SLC30A6: variants seen among roughly 807,000 people sequenced by gnomAD.
The protein encoded by SLC30A6 is solute carrier family 30 member 6, also known as zinc transporter 6.
Under a neutral mutation model 63.0 loss-of-function variants are expected in SLC30A6, and 55 were observed. The observed-to-expected ratio is 0.87, with a 90% CI of 0.70 to 1.09. SLC30A6 has a LOEUF of 1.09. Among genes scored for constraint, SLC30A6 ranks in the 50% least tolerant of loss-of-function variants. The probability of loss-of-function intolerance (pLI) is 0.00; values close to 1 mark genes in which losing one functional copy is unlikely to be tolerated. For missense variants in SLC30A6, 587 were observed against 549.2 expected (o/e 1.07, Z -0.69); for synonymous variants, 224 against 186.1 (o/e 1.20, Z -1.66).
intron 5 of SLC30A6, among the ~76,000 whole-genome samples, chr2:32,187,771 C>CA (rs951342049): frequency 2.0e-5 from 3 of 152,138 alleles, no homozygotes; most frequent in African/African-American, 7.2e-5. Context: ...CTCTGTTGCT[C>CA]AAACAAAAAA....
At chr2:32,170,309 C>T (rs914492064) in intron 1 of SLC30A6, among the ~76,000 whole-genome samples, 1 of 152,176 alleles carries the variant, frequency 6.6e-6, no homozygotes. Flanking sequence ...CATTTATTGA[C>T]TGGCTTATAT....
intron 5 of SLC30A6, among the ~76,000 whole-genome samples, chr2:32,189,596 CTTTTTTTTTTTT>C (rs3040842): frequency 1.2e-4 from 6 of 51,926 alleles, no homozygotes; most frequent in East Asian, 5.5e-4. Context: ...CGCACCCGGC[CTTTTTTTTTTTT>C]TTTTTTTTTT....
intron 1 of SLC30A6, among the ~76,000 whole-genome samples, chr2:32,170,099 A>G (rs928411265): frequency 4.6e-5 from 7 of 152,128 alleles, no homozygotes; most frequent in Non-Finnish European, 1.0e-4. Flanking sequence ...ATTATATAGT[A>G]AAATCAATCA....
chr2:32,220,745 G>T lies in SLC30A6; in HGVS notation c.*32G>T. ...CTAACTTATTTTTATAAGGAATATT[G>T]ACTCCTTGGCTTCCAATTTATTTAG... On this transcript the variant is annotated 3_prime_UTR_variant, in exon 14 of 14. Transcript: ENST00000282587. 6.4e-7 allele frequency: 1 copy of T among 1,570,014 alleles called. No individual in the cohort carries two copies. Among genetic ancestry groups the T allele is most frequent in the South Asian group, 1.2e-5 (1 of 85,034 alleles).
At chr2:32,188,197 T>C (rs913427924) in intron 5 of SLC30A6, among the ~76,000 whole-genome samples, 6 of 152,220 alleles carry the variant, frequency 3.9e-5, no homozygotes, top group African/African-American at 7.2e-5. Flanking sequence ...CTGCCTGATA[T>C]GCTCTTCACC....
intron 10 of SLC30A6, chr2:32,202,787 C>G (rs1684411080): frequency 6.8e-6 from 5 of 733,190 alleles, no homozygotes; most frequent in Non-Finnish European, 1.3e-5. Context: ...CTGCAGCTCG[C>G]CCACAGTGGG....
At position 32,203,147 on chromosome 2, in the gene SLC30A6, C is replaced by T; in HGVS notation, c.666-1443C>T. The stretch of plus-strand genomic sequence containing the variant: ...TTTTGGTGGCAACCAACGTGGCTGC[C>T]TGTGGTTTGGACATTCCTGAAGTTG... On this transcript the variant is annotated intron_variant, in intron 10 of 13. Coordinates refer to ENST00000282587, the MANE Select transcript of SLC30A6 (RefSeq NM_017964.5). 20 of 1,269,136 alleles carry T rather than the reference C, an allele frequency of 1.6e-5. No individual in the cohort carries two copies. In the South Asian group the frequency reaches 1.8e-4, roughly 11 times the overall value. 78.6% of individuals were successfully genotyped at this position (1,269,136 alleles called of 1,614,324 possible).
At chr2:32,167,224 C>A (rs1680756215) in intron 1 of SLC30A6, among the ~76,000 whole-genome samples, 1 of 151,950 alleles carries the variant, frequency 6.6e-6, no homozygotes, top group Non-Finnish European at 1.5e-5. Flanking sequence ...TACAGGAATG[C>A]GCCACCACGC....
intron 2 of SLC30A6, among the ~76,000 whole-genome samples, chr2:32,171,957 G>C (rs1056163748): frequency 6.6e-6 from 1 of 152,168 alleles, no homozygotes; most frequent in African/African-American, 2.4e-5. Context: ...GCCTCCCAAA[G>C]TGCTGGGATT....
chr2:32,199,895 G>A (rs1047839084), intron 10 of SLC30A6, among the ~76,000 whole-genome samples: 1 of 151,956 alleles, frequency 6.6e-6, no homozygotes, highest in African/African-American at 2.4e-5. Flanking sequence ...CGGCTGGGTC[G>A]CCTGAGGTCA....
chr2:32,171,129 C>T (rs141776327), intron 1 of SLC30A6, among the ~76,000 whole-genome samples, 158 bp from the exon 2 acceptor site: 7 of 152,230 alleles, frequency 4.6e-5, no homozygotes, highest in African/African-American at 1.4e-4. Flanking sequence ...ATATTAAATC[C>T]ATAAATACAC....
intron 13 of SLC30A6, among the ~76,000 whole-genome samples, chr2:32,212,932 C>T (rs1340512804): frequency 7.2e-5 from 10 of 138,050 alleles, no homozygotes; most frequent in African/African-American, 2.5e-4. Flanking sequence ...AAGGAGACAG[C>T]GTCCTGCCCT....
In SLC30A6 at chr2:32,221,436, G is replaced by A. The variant is rs1438161944; in HGVS notation, c.*723G>A. The A allele has an allele frequency of 6.6e-6, 1 of 152,116 alleles. No individual in the cohort carries two copies. The highest frequency in any genetic ancestry group is 1.5e-5 in the Non-Finnish European group (1 of 68,040). The allele number at this position is 152,116 out of a possible 1,614,324, so 9.4% of individuals were successfully genotyped here. ...TAGCCTCCCAAAGTGCTGGGATTAGGTGTGAGCCACCGCACCTGGCCGATA... is the reference window on the plus strand; with the variant it reads ...TAGCCTCCCAAAGTGCTGGGATTAGATGTGAGCCACCGCACCTGGCCGATA... On this transcript the variant is annotated 3_prime_UTR_variant, in exon 14 of 14. Transcript: ENST00000282587.
chr2:32,208,554 A>T (rs1490895337), intron 12 of SLC30A6, among the ~76,000 whole-genome samples: 1 of 151,964 alleles, frequency 6.6e-6, no homozygotes, highest in Non-Finnish European at 1.5e-5. Context: ...TGCTGGGATT[A>T]CAGGCATGAG....
At chr2:32,183,781 TGTA>T (rs1173834912) in intron 4 of SLC30A6, among the ~76,000 whole-genome samples, 3 of 152,178 alleles carry the variant, frequency 2.0e-5, no homozygotes, top group Non-Finnish European at 4.4e-5. Flanking sequence ...AATTTCATAT[TGTA>T]GTAACTTGTT....
chr2:32,203,045 C>T, intron 10 of SLC30A6: 1 of 1,244,234 alleles, frequency 8.0e-7, no homozygotes, highest in Non-Finnish European at 1.2e-6. Context: ...AACAGAATGC[C>T]CAGTGTTTAC....
chr2:32,187,200 C>T (rs747846481), intron 5 of SLC30A6: 1 of 471,054 alleles, frequency 2.1e-6, no homozygotes. Flanking sequence ...CCACTTTTCT[C>T]CACCAATCCG....
intron 8 of SLC30A6, among the ~76,000 whole-genome samples, chr2:32,196,930 C>G (rs1422616778): frequency 2.0e-5 from 3 of 152,030 alleles, no homozygotes; most frequent in Non-Finnish European, 4.4e-5. Context: ...TGTGGTGGCA[C>G]GTGCCTGTAA....
chr2:32,187,566 G>A (rs1455542945), intron 5 of SLC30A6, among the ~76,000 whole-genome samples: 1 of 152,162 alleles, frequency 6.6e-6, no homozygotes, highest in Non-Finnish European at 1.5e-5. Flanking sequence ...TCACATAGCT[G>A]AAGTATCACA....
Sources: allele counts gnomAD v4.1 joint callset (sites outside exome capture counted in the v4.1 genomes callset), GRCh38; gene constraint gnomAD v4.1.1; transcripts MANE v1.5; gene names NCBI Gene and HGNC (gene_info 2026-07-23, HGNC 2026-07-21).